DCT: variants seen among roughly 807,000 people sequenced by gnomAD.
The protein encoded by DCT is L-dopachrome tautomerase.
Under a neutral mutation model 53.0 loss-of-function variants are expected in DCT, and 47 were observed. The observed-to-expected ratio is 0.89, with a 90% CI of 0.70 to 1.13. The LOEUF is 1.13. Among genes scored for constraint, DCT ranks in the 50% most tolerant of loss-of-function variants. The probability of loss-of-function intolerance (pLI) is 0.00; values close to 1 mark genes in which losing one functional copy is unlikely to be tolerated. For missense variants in DCT, 669 were observed against 637.4 expected (o/e 1.05, Z -0.53); for synonymous variants, 244 against 237.0 (o/e 1.03, Z -0.27).
At chr13:94,515,200 T>C in the DCT span, among the ~76,000 whole-genome samples, 4 of 152,232 alleles carry the variant, frequency 2.6e-5, no homozygotes, top group South Asian at 2.1e-4. Context: ...AAATGTCTGT[T>C]GTTTATAAGC....
the DCT span, among the ~76,000 whole-genome samples, chr13:94,495,617 G>A: frequency 4.6e-5 from 7 of 152,114 alleles, no homozygotes; most frequent in Admixed American, 3.3e-4. Context: ...AAAGAGAAAA[G>A]AAGAATATAA....
At chr13:94,512,408 A>T in the DCT span, among the ~76,000 whole-genome samples, 1 of 152,248 alleles carries the variant, frequency 6.6e-6, no homozygotes, top group East Asian at 1.9e-4. Context: ...TCTTTCAGGC[A>T]AAACTACCAC....
At chr13:94,445,361 A>G (rs1246991544) in intron 6 of DCT, among the ~76,000 whole-genome samples, 1 of 152,194 alleles carries the variant, frequency 6.6e-6, no homozygotes, top group Non-Finnish European at 1.5e-5. Flanking sequence ...TGAGCCCTGA[A>G]CCATCAAATA....
rs565110954 is a variant in DCT at position 94,475,376 on chromosome 13, C to T, written c.295+3585G>A. Among the ~76,000 whole-genome samples the T allele has an allele frequency of 5.3e-5, 8 of 152,224 alleles. No individual in the cohort carries two copies. The South Asian group carries it at 6.2e-4, about 12-fold the overall frequency. On this transcript the variant is annotated intron_variant, in intron 1 of 7. Coordinates refer to ENST00000377028, the MANE Select transcript of DCT (RefSeq NM_001922.5). ...AAAAAGAAAAAAATTCTACCATTTGCGACAGCATGGATGGACCTGGAAGAC... is the reference window on the plus strand; with the variant it reads ...AAAAAGAAAAAAATTCTACCATTTGTGACAGCATGGATGGACCTGGAAGAC...
the DCT span, among the ~76,000 whole-genome samples, chr13:94,544,974 T>C: frequency 1.3e-5 from 2 of 152,124 alleles, no homozygotes; most frequent in Non-Finnish European, 2.9e-5. Flanking sequence ...TTAATGATGA[T>C]GGTGTTCTTT....
At chr13:94,446,302 T>C (rs1312655111) in intron 6 of DCT, among the ~76,000 whole-genome samples, 1 of 152,144 alleles carries the variant, frequency 6.6e-6, no homozygotes, top group Admixed American at 6.5e-5. Flanking sequence ...GACTATACCA[T>C]CAGTACTATT....
rs1308022181 is a variant in DCT, at chr13:94,477,836, C to A, written c.295+1125G>T. Among the ~76,000 whole-genome samples, 6 of 152,290 alleles carry A rather than the reference C, an allele frequency of 3.9e-5. 1 individual carries two copies. In the South Asian group the frequency reaches 1.2e-3, roughly 32 times the overall value. On this transcript the variant is annotated intron_variant, in intron 1 of 7. Coordinates refer to ENST00000377028, the MANE Select transcript of DCT (RefSeq NM_001922.5). ...AAAAGGAAAAAGTCTTCTGCAACCACCCAGCCTACAACAGTGTCCAAGGGC... is the reference window on the plus strand; with the variant it reads ...AAAAGGAAAAAGTCTTCTGCAACCAACCAGCCTACAACAGTGTCCAAGGGC...
At chr13:94,545,339 A>G in the DCT span, among the ~76,000 whole-genome samples, 2 of 152,100 alleles carry the variant, frequency 1.3e-5, no homozygotes, top group Non-Finnish European at 2.9e-5. Flanking sequence ...CCCCTTATCT[A>G]CAATAAACAG....
chr13:94,466,535 C>T, intron 3 of DCT, 23 bp downstream of exon 3: 1 of 1,506,074 alleles, frequency 6.6e-7, no homozygotes, highest in South Asian at 1.2e-5. Context: ...ATTAAAAGAA[C>T]TAAATGCATA....
At chr13:94,470,887 G>C (rs1884603206) in intron 1 of DCT, among the ~76,000 whole-genome samples, 2 of 152,238 alleles carry the variant, frequency 1.3e-5, no homozygotes, top group Non-Finnish European at 2.9e-5. Flanking sequence ...CCAGGCAGCT[G>C]TAAGGCTGTG....
intron 7 of DCT, 75 bp from the exon 8 acceptor site, chr13:94,440,151 G>T (rs1008231989): frequency 2.0e-5 from 26 of 1,281,740 alleles, no homozygotes; most frequent in Non-Finnish European, 2.7e-5. Flanking sequence ...AAGAGCAAGC[G>T]CACTTGCCTT....
chr13:94,511,607 G>T, the DCT span, among the ~76,000 whole-genome samples: 1 of 152,002 alleles, frequency 6.6e-6, no homozygotes, highest in Non-Finnish European at 1.5e-5. Context: ...TGATCCACTT[G>T]CCTTGCCCTC....
chr13:94,464,548 G>A (rs1300472891), intron 4 of DCT, among the ~76,000 whole-genome samples: 1 of 152,050 alleles, frequency 6.6e-6, no homozygotes, highest in African/African-American at 2.4e-5. Context: ...GCTGAGGCAG[G>A]AGAATTGCTT....
the DCT span, among the ~76,000 whole-genome samples, chr13:94,523,376 T>C: frequency 6.6e-6 from 1 of 152,200 alleles, no homozygotes; most frequent in African/African-American, 2.4e-5. Context: ...TGCCTTTCCC[T>C]GGGGGGTGGA....
chr13:94,443,702 G>C, intron 6 of DCT, 65 bp from the exon 7 acceptor site: 1 of 1,306,030 alleles, frequency 7.7e-7, no homozygotes, highest in Non-Finnish European at 1.1e-6. Context: ...CAACCTGACT[G>C]TTGCTTTCTC....
chr13:94,491,391 C>T, the DCT span, among the ~76,000 whole-genome samples: 1 of 152,124 alleles, frequency 6.6e-6, no homozygotes, highest in African/African-American at 2.4e-5. Flanking sequence ...ATGAAGACAA[C>T]AATATATTAG....
chr13:94,509,333 G>C, the DCT span, among the ~76,000 whole-genome samples: 22 of 152,090 alleles, frequency 1.4e-4, no homozygotes, highest in African/African-American at 4.8e-4. Flanking sequence ...CCCATCTCCT[G>C]GCTGTGGCAG....
chr13:94,496,555 T>C, the DCT span, among the ~76,000 whole-genome samples: 1 of 152,148 alleles, frequency 6.6e-6, no homozygotes, highest in Non-Finnish European at 1.5e-5. Flanking sequence ...CACAGTGGCA[T>C]GTACAGACCT....
At chr13:94,509,561 T>A in the DCT span, among the ~76,000 whole-genome samples, 1 of 152,178 alleles carries the variant, frequency 6.6e-6, no homozygotes, top group African/African-American at 2.4e-5. Flanking sequence ...CCAACCATAA[T>A]GGATATGCAG....
Sources: gnomAD v4.1 joint callset for allele counts (sites outside exome capture counted in the v4.1 genomes callset) on GRCh38, gnomAD v4.1.1 for gene constraint, MANE v1.5 for transcripts, NCBI Gene and HGNC (gene_info 2026-07-23, HGNC 2026-07-21) for gene names.